The following BOD1 variants were observed in gnomAD, a reference collection of about 807,000 sequenced individuals.
BOD1 encodes biorientation of chromosomes in cell division 1, also known as biorientation of chromosomes in cell division protein 1.
A neutral mutation model predicts 15.7 loss-of-function variants in BOD1; 11 were observed. The ratio of observed to expected loss-of-function variants is 0.70; its 90% CI spans 0.44 to 1.16. The LOEUF is 1.16. Among genes scored for constraint, BOD1 ranks in the 50% most tolerant of loss-of-function variants. The pLI is 0.00. For synonymous variants in BOD1, 105 were observed against 103.5 expected (o/e 1.01, Z -0.09); for missense variants, 182 against 244.5 (o/e 0.74, Z 1.70).
chr5:173,614,162 G>A (rs1291162674), intron 1 of BOD1, among the ~76,000 whole-genome samples: 3 of 152,238 alleles, frequency 2.0e-5, no homozygotes, highest in Non-Finnish European at 4.4e-5. Flanking sequence ...CACCCTCTGG[G>A]AGAGTTTGTT....
intron 2 of BOD1, among the ~76,000 whole-genome samples, 154 bp downstream of exon 2, chr5:173,612,977 A>C (rs1050736787): frequency 1.3e-5 from 2 of 152,190 alleles, no homozygotes; most frequent in Non-Finnish European, 2.9e-5. Flanking sequence ...GCTTCCTTTA[A>C]CCTTAATTAT....
chr5:173,613,363 C>G (rs938809675), intron 1 of BOD1, 108 bp from the exon 2 acceptor site: 5 of 1,312,352 alleles, frequency 3.8e-6, no homozygotes, highest in Non-Finnish European at 5.4e-6. Context: ...AGTCTAAATA[C>G]ACTTCCACTG....
chr5:173,616,487 A>G lies in BOD1; in HGVS notation c.-51T>C. 1.3e-6 allele frequency: 2 copies of G among 1,550,464 alleles called. No homozygotes were observed. The highest frequency in any genetic ancestry group is 1.7e-6 in the Non-Finnish European group (2 of 1,159,674). On this transcript the variant is annotated 5_prime_UTR_variant, in exon 1 of 4. Coordinates refer to ENST00000311086, the MANE Select transcript of BOD1 (RefSeq NM_138369.3). The stretch of plus-strand genomic sequence containing the variant: ...GAACGACTATAGCTTCTTCTCCAGG[A>G]CAGAAGGCCTAGAACGTGTAGAGGT...
At chr5:173,613,933 G>A (rs1292818608) in intron 1 of BOD1, among the ~76,000 whole-genome samples, 3 of 152,232 alleles carry the variant, frequency 2.0e-5, no homozygotes, top group Non-Finnish European at 2.9e-5. Context: ...GGTGCCACAG[G>A]AGTGGGTGCC....
At chr5:173,611,233 T>C (rs1422988787) in intron 2 of BOD1, among the ~76,000 whole-genome samples, 2 of 152,238 alleles carry the variant, frequency 1.3e-5, no homozygotes, top group African/African-American at 4.8e-5. Context: ...TTACAAGAGT[T>C]ATTCGTCATA....
chr5:173,611,783 C>G (rs1161619693), intron 2 of BOD1, among the ~76,000 whole-genome samples: 2 of 152,224 alleles, frequency 1.3e-5, no homozygotes, highest in Non-Finnish European at 2.9e-5. Context: ...GGAAGCGCCA[C>G]ATGCATACCT....
rs144811412 is a variant in BOD1, at chr5:173,614,381, C to T, written c.238-1126G>A. ...CACCAAAACACGTAACAAACCCAGG[C>T]GATACAGAATCATCTCAGTTCAAGA... On this transcript the variant is annotated intron_variant, in intron 1 of 3. Coordinates refer to ENST00000311086, the MANE Select transcript of BOD1 (RefSeq NM_138369.3). 2.0e-4 allele frequency among the ~76,000 whole-genome samples: 31 copies of T among 152,288 alleles called. No individual in the cohort carries two copies. The East Asian group carries it at 5.0e-3, about 25-fold the overall frequency.
intron 2 of BOD1, among the ~76,000 whole-genome samples, 200 bp downstream of exon 2, chr5:173,612,931 C>T (rs1581244744): frequency 6.6e-6 from 1 of 152,236 alleles, no homozygotes; most frequent in African/African-American, 2.4e-5. Flanking sequence ...GAGGCCTTCA[C>T]AGGCTGCAGA....
rs1342622513 is a variant in BOD1 at position 173,607,674 on chromosome 5, G to GA, written c.*619dup. 6.6e-6 allele frequency: 1 copy of GA among 152,452 alleles called. No homozygotes were observed. The highest frequency in any genetic ancestry group is 6.5e-5 in the Admixed American group (1 of 15,294). The allele number at this position is 152,452 out of a possible 1,614,324, so 9.4% of individuals were successfully genotyped here. On this transcript the variant is annotated 3_prime_UTR_variant, in exon 4 of 4. Coordinates refer to ENST00000311086, the MANE Select transcript of BOD1 (RefSeq NM_138369.3). The stretch of plus-strand genomic sequence containing the variant: ...AGCCCTGGACAGAGAGCCTGCAAAC[G>GA]AGTTTCCTTATGCCTAATGTCTGAA...
At chr5:173,615,634 G>A (rs1248702770) in intron 1 of BOD1, among the ~76,000 whole-genome samples, 2 of 152,222 alleles carry the variant, frequency 1.3e-5, no homozygotes, top group Admixed American at 1.3e-4. Context: ...ACTGACCAAT[G>A]GCATTAGGAT....
At chr5:173,609,468 G>A (rs766612499) in intron 2 of BOD1, 34 bp from the exon 3 acceptor site, 1 of 1,272,292 alleles carries the variant, frequency 7.9e-7, no homozygotes, top group South Asian at 1.3e-5. Flanking sequence ...CTGTTATTTA[G>A]TTCCTTCGGG....
At chr5:173,615,662 TCTC>T (rs1360170774) in intron 1 of BOD1, among the ~76,000 whole-genome samples, 1 of 152,176 alleles carries the variant, frequency 6.6e-6, no homozygotes, top group Non-Finnish European at 1.5e-5. Context: ...AGGCACCAAA[TCTC>T]CTTTTATCAA....
intron 1 of BOD1, chr5:173,614,887 G>C (rs150474227): frequency 3.4e-4 from 52 of 152,332 alleles, no homozygotes; most frequent in African/African-American, 1.2e-3. Context: ...ATGTCTTTGA[G>C]GGCCATTATG....
chr5:173,616,527 TGAA>T lies in BOD1; in HGVS notation c.-94_-92del. 6.9e-7 allele frequency: 1 copy of T among 1,446,478 alleles called. No homozygotes were observed. The highest frequency in any genetic ancestry group is 9.0e-7 in the Non-Finnish European group (1 of 1,108,004). The allele number at this position is 1,446,478 out of a possible 1,614,324, so 89.6% of individuals were successfully genotyped here. A position where few individuals can be genotyped will look rare whatever the true frequency, so the allele number is the denominator to read the frequency against. On this transcript the variant is annotated 5_prime_UTR_variant, in exon 1 of 4. Transcript: ENST00000311086. ...CGTGTAGAGGTGGTGAAGGGGGCGG[TGAA>T]GGAGGAGGGCCCCAAGGCGGCAGCG...
intron 1 of BOD1, 110 bp downstream of exon 1, chr5:173,616,090 G>C (rs1277047113): frequency 7.1e-7 from 1 of 1,404,874 alleles, no homozygotes. Context: ...CCTCACCGCT[G>C]AGATTTCTAA....
chr5:173,612,878 G>A (rs1394273259), intron 2 of BOD1, among the ~76,000 whole-genome samples: 1 of 152,200 alleles, frequency 6.6e-6, no homozygotes, highest in Non-Finnish European at 1.5e-5. Context: ...AATGTCTCAC[G>A]ATTTGGAATG....
Position 173,608,227 on chromosome 5 carries a change from G to A in BOD1, c.*67C>T, listed in dbSNP as rs1561723555. 2.5e-6 allele frequency: 4 copies of A among 1,592,560 alleles called. No individual in the cohort carries two copies. Among genetic ancestry groups the A allele is most frequent in the African/African-American group, 1.3e-5 (1 of 74,816 alleles). On this transcript the variant is annotated 3_prime_UTR_variant, in exon 4 of 4. Transcript: ENST00000311086. ...CTTGGCCTATCTTCAGTCTGAAGTT[G>A]CACTCTTATGTAACCGAATCCATTT...
intron 2 of BOD1, among the ~76,000 whole-genome samples, chr5:173,611,470 A>G (rs894913366): frequency 2.6e-5 from 4 of 152,060 alleles, no homozygotes; most frequent in Admixed American, 6.6e-5. Context: ...GAAATGTCCC[A>G]GTATTAAAGC....
chr5:173,616,328 CACCGCCCCCGCTGGCCCCAGT>C lies in BOD1; in HGVS notation c.88_108del (p.Thr30_Gly36del), dbSNP rs1755498417. 6.5e-7 allele frequency: 1 copy of C among 1,532,182 alleles called. No homozygotes were observed. The highest frequency in any genetic ancestry group is 1.4e-5 in the African/African-American group (1 of 72,082). 94.9% of individuals were successfully genotyped at this position (1,532,182 alleles called of 1,614,324 possible). Reference sequence around the variant, plus strand: ...GGCAGCGAGGCCGGGTTGATGGGGCCACCGCCCCCGCTGGCCCCAGTAGCGCCAGTCGCTGCCCCGGCAGAG... The same window carrying C: ...GGCAGCGAGGCCGGGTTGATGGGGCCAGCGCCAGTCGCTGCCCCGGCAGAG... On this transcript the variant is annotated inframe_deletion, in exon 1 of 4. Transcript: ENST00000311086.
Sources: allele counts gnomAD v4.1 joint callset (sites outside exome capture counted in the v4.1 genomes callset), GRCh38; gene constraint gnomAD v4.1.1; transcripts MANE v1.5; gene names NCBI Gene and HGNC (gene_info 2026-07-23, HGNC 2026-07-21).